PICALM: variants seen among roughly 807,000 people sequenced by gnomAD.
PICALM encodes phosphatidylinositol-binding clathrin assembly protein.
PICALM carries 40 observed loss-of-function variants against 80.5 expected under a neutral mutation model. The ratio of observed to expected loss-of-function variants is 0.50; its 90% confidence interval spans 0.39 to 0.65. PICALM has a LOEUF of 0.65. Among genes scored for constraint, PICALM ranks in the 30% least tolerant of loss-of-function variants. The pLI is 0.00. For missense variants in PICALM, 676 were observed against 778.9 expected (o/e 0.87, Z 1.57); for synonymous variants, 288 against 260.3 (o/e 1.11, Z -1.02).
intron 13 of PICALM, among the ~76,000 whole-genome samples, chr11:85,984,891 G>C (rs1318742071): frequency 6.6e-6 from 1 of 152,058 alleles, no homozygotes; most frequent in Admixed American, 6.5e-5. Context: ...TATTAGGTCT[G>C]TCATGTGATT....
chr11:85,978,714 G>C (rs2094352529), intron 17 of PICALM: 2 of 152,050 alleles, frequency 1.3e-5, no homozygotes, highest in Admixed American at 1.3e-4. Context: ...ATATAACACA[G>C]CAAGATAAAG....
At position 85,981,883 on chromosome 11, in the gene PICALM, T is replaced by C. The variant is rs752003763; in HGVS notation, c.1637A>G (p.Asn546Ser). Residue 546 changes from asparagine (N) to serine (S), a missense_variant, in exon 15 of 20, where the codon AAC becomes AGC. This residue lies in a region of PICALM where 391 missense variants were observed against 383.6 expected (regional missense o/e 1.02). Transcript: ENST00000393346. ...CAAAGACTACTTACTGCCCACAAGG[T>C]TGGCTAAAGATGAATCCAAGTCATC... ...VSDDLDSSLANLVGNLGIGNG... is the reference protein window; with the variant it reads ...VSDDLDSSLASLVGNLGIGNG... The C allele has an allele frequency of 3.7e-6, 6 of 1,613,832 alleles. No homozygotes were observed. In the Admixed American group the frequency reaches 1.0e-4, roughly 27 times the overall value.
At chr11:85,982,559 C>T (rs1051614847) in intron 14 of PICALM, among the ~76,000 whole-genome samples, 2 of 147,308 alleles carry the variant, frequency 1.4e-5, no homozygotes, top group East Asian at 3.9e-4. Flanking sequence ...TCCCGAGTAG[C>T]TGGGACTACA....
chr11:85,966,118 C>T (rs564882900), intron 19 of PICALM, among the ~76,000 whole-genome samples: 1 of 152,078 alleles, frequency 6.6e-6, no homozygotes, highest in South Asian at 2.1e-4. Context: ...CGCACCCGGC[C>T]CGCATTACGC....
intron 14 of PICALM, among the ~76,000 whole-genome samples, chr11:85,983,117 CT>C (rs2094490742): frequency 6.6e-6 from 1 of 152,114 alleles, no homozygotes; most frequent in Admixed American, 6.5e-5. Flanking sequence ...TATAGGCTTG[CT>C]TCTTAGTTTT....
rs753517645 is a variant in PICALM at position 86,000,799 on chromosome 11, C to T, written c.1018-20G>A. 5 of 1,602,324 alleles carry T rather than the reference C, an allele frequency of 3.1e-6. No homozygotes were observed. Among genetic ancestry groups the T allele is most frequent in the South Asian group, 1.1e-5 (1 of 88,982 alleles). ...CTGTTCCTGTTAAGAAAGGGAACTA[C>T]CATAAGGATTCCAGAAACCAGATTT... On this transcript the variant is annotated intron_variant, in intron 10 of 19. Coordinates refer to ENST00000393346, the MANE Select transcript of PICALM (RefSeq NM_007166.4).
chr11:85,986,513 C>T (rs2094577460), intron 13 of PICALM, among the ~76,000 whole-genome samples: 3 of 151,160 alleles, frequency 2.0e-5, no homozygotes, highest in Admixed American at 2.0e-4. Flanking sequence ...GCCTCAGCCT[C>T]CCGAGTAGCT....
intron 19 of PICALM, among the ~76,000 whole-genome samples, chr11:85,967,101 T>C (rs572436950): frequency 1.3e-5 from 2 of 152,320 alleles, no homozygotes; most frequent in South Asian, 2.1e-4. Context: ...TGGTGTTTTT[T>C]TCCTCTTCAA....
chr11:86,068,134 G>T (rs1326853761), intron 1 of PICALM, among the ~76,000 whole-genome samples: 1 of 152,214 alleles, frequency 6.6e-6, no homozygotes, highest in Non-Finnish European at 1.5e-5. Flanking sequence ...GCAGCTAGTG[G>T]AGCAAAGGAA....
chr11:86,067,934 C>T (rs1391069139), intron 1 of PICALM, among the ~76,000 whole-genome samples: 2 of 152,202 alleles, frequency 1.3e-5, no homozygotes, highest in Admixed American at 6.5e-5. Context: ...AGAAAGCTTT[C>T]CCTACACCAA....
intron 1 of PICALM, among the ~76,000 whole-genome samples, chr11:86,064,464 A>C (rs1335780440): frequency 6.6e-6 from 1 of 152,056 alleles, no homozygotes; most frequent in Non-Finnish European, 1.5e-5. Context: ...GGAGTTTGAG[A>C]CCTGCCCGAG....
In PICALM at chr11:86,056,278, T is replaced by G. The variant is rs1425821372; in HGVS notation, c.130+12373A>C. Among the ~76,000 whole-genome samples, 3 of 148,996 alleles carry G rather than the reference T, an allele frequency of 2.0e-5. No individual in the cohort carries two copies. The East Asian group carries it at 5.8e-4, about 29-fold the overall frequency. ...AATTACAAATCATATAAAGATCTAG[T>G]ATGTGAGGTATGTAAAGTACTCTTC... On this transcript the variant is annotated intron_variant, in intron 1 of 19. Coordinates refer to ENST00000393346, the MANE Select transcript of PICALM (RefSeq NM_007166.4).
At chr11:85,970,415 T>C (rs989166849) in intron 19 of PICALM, among the ~76,000 whole-genome samples, 1 of 152,218 alleles carries the variant, frequency 6.6e-6, no homozygotes. Flanking sequence ...AGAACTTGAA[T>C]ATTCCGTTAA....
intron 8 of PICALM, 22 bp downstream of exon 8, chr11:86,007,520 G>A (rs767148240): frequency 2.3e-5 from 31 of 1,369,222 alleles, no homozygotes; most frequent in Non-Finnish European, 3.0e-5. Flanking sequence ...ATAGTGGATT[G>A]GTATTTTAAC....
At chr11:86,008,150 C>T (rs188534291) in intron 7 of PICALM, among the ~76,000 whole-genome samples, 2 of 152,208 alleles carry the variant, frequency 1.3e-5, no homozygotes, top group African/African-American at 4.8e-5. Context: ...TCCAATATAC[C>T]TTCATGATGC....
intron 19 of PICALM, among the ~76,000 whole-genome samples, chr11:85,968,869 G>A (rs2093997604): frequency 1.3e-5 from 2 of 151,560 alleles, no homozygotes; most frequent in Non-Finnish European, 2.9e-5. Flanking sequence ...TACAATGTTA[G>A]GCATGAAACA....
upstream of PICALM, chr11:86,069,419 GT>G (rs1159781287): frequency 6.5e-6 from 1 of 153,126 alleles, no homozygotes; most frequent in African/African-American, 2.4e-5. Context: ...GCTGGCGGGG[GT>G]GGGGCGGGGC....
chr11:86,032,413 A>G (rs1436173667), intron 1 of PICALM, among the ~76,000 whole-genome samples: 1 of 152,162 alleles, frequency 6.6e-6, no homozygotes, highest in Non-Finnish European at 1.5e-5. Context: ...ACCCAAGATC[A>G]GGAGTTCGAG....
At chr11:85,996,100 A>AT (rs772298592) in intron 12 of PICALM, among the ~76,000 whole-genome samples, 4 of 152,154 alleles carry the variant, frequency 2.6e-5, no homozygotes, top group Non-Finnish European at 5.9e-5. Context: ...ACTTTCTAGG[A>AT]TATAGTTCCT....
Sources: gnomAD v4.1 joint callset for allele counts (sites outside exome capture counted in the v4.1 genomes callset) on GRCh38, gnomAD v4.1.1 for gene constraint, gnomAD v4.1.1 regional missense constraint, MANE v1.5 for transcripts, NCBI Gene and HGNC (gene_info 2026-07-23, HGNC 2026-07-21) for gene names.